Variants in CFTR observed in about 807,000 individuals in gnomAD.
CFTR encodes CF transmembrane conductance regulator, also known as cystic fibrosis transmembrane conductance regulator.
In CFTR, 181 loss-of-function variants were observed where a neutral mutation model predicts 171.6. The observed-to-expected ratio is 1.05, with a 90% CI of 0.93 to 1.19. The LOEUF is 1.19. Among genes scored for constraint, CFTR ranks in the 50% most tolerant of loss-of-function variants. The pLI is 0.00. For synonymous variants in CFTR, 583 were observed against 608.0 expected (o/e 0.96, Z 0.60); for missense variants, 1,968 against 1,734.7 (o/e 1.13, Z -2.39).
intron 1 of CFTR, among the ~76,000 whole-genome samples, chr7:117,495,636 C>T (rs1798225105): frequency 6.6e-6 from 1 of 152,146 alleles, no homozygotes; most frequent in South Asian, 2.1e-4. Context: ...TTACACAACT[C>T]ATGGTGCATG....
At chr7:117,498,778 A>G (rs2116627708) in intron 1 of CFTR, among the ~76,000 whole-genome samples, 1 of 151,838 alleles carries the variant, frequency 6.6e-6, no homozygotes, top group Middle Eastern at 3.4e-3. Flanking sequence ...AATCTTTTCC[A>G]ATGAGTCCCC....
At chr7:117,501,747 C>CAAAAAAAAAAAAAAAA (rs1212853305) in intron 1 of CFTR, among the ~76,000 whole-genome samples, 13 of 43,892 alleles carry the variant, frequency 3.0e-4, no homozygotes, top group Non-Finnish European at 3.3e-4. Flanking sequence ...AACTCTGTCT[C>CAAAAAAAAAAAAAAAA]AAAAAAAAAA....
chr7:117,498,094 C>A (rs553359972), intron 1 of CFTR, among the ~76,000 whole-genome samples: 3 of 152,054 alleles, frequency 2.0e-5, no homozygotes, highest in African/African-American at 7.2e-5. Flanking sequence ...CATTAGGGTG[C>A]CTGTATGGTT....
chr7:117,502,559 C>G (rs1562882235), intron 1 of CFTR, among the ~76,000 whole-genome samples: 1 of 152,168 alleles, frequency 6.6e-6, no homozygotes, highest in South Asian at 2.1e-4. Flanking sequence ...CTAATTGCCA[C>G]CTGTATGTTC....
intron 2 of CFTR, among the ~76,000 whole-genome samples, chr7:117,506,968 G>A (rs1442338976): frequency 6.6e-6 from 1 of 152,156 alleles, no homozygotes; most frequent in Non-Finnish European, 1.5e-5. Context: ...ACTGCCTTGT[G>A]ACCATGGCCC....
At chr7:117,552,710 AT>A (rs1410800547) in intron 10 of CFTR, among the ~76,000 whole-genome samples, 3 of 152,106 alleles carry the variant, frequency 2.0e-5, no homozygotes, top group Non-Finnish European at 4.4e-5. Context: ...CTCTCTATAT[AT>A]ATAATCAATA....
At chr7:117,482,174 G>A (rs1439188887) in intron 1 of CFTR, among the ~76,000 whole-genome samples, 11 of 152,062 alleles carry the variant, frequency 7.2e-5, no homozygotes, top group Admixed American at 7.2e-4. Context: ...GAAAAATTGT[G>A]TTTCACATGG....
chr7:117,622,687 C>G (rs2116117174), intron 21 of CFTR, among the ~76,000 whole-genome samples: 1 of 152,210 alleles, frequency 6.6e-6, no homozygotes, highest in South Asian at 2.1e-4. Context: ...AATGCCTAAT[C>G]TTGATGTACT....
rs192269259 is a variant in CFTR at position 117,615,407 on chromosome 7, T to C, written c.3468+694T>C. ...ATTTATTGTCTTTTCCTTTATGTTT[T>C]GTGCTTTTGGTATCTTGATTAAGAA... On this transcript the variant is annotated intron_variant, in intron 21 of 26. Coordinates refer to ENST00000003084, the MANE Select transcript of CFTR (RefSeq NM_000492.4). Among the ~76,000 whole-genome samples, 5 of 152,162 alleles carry C rather than the reference T, an allele frequency of 3.3e-5. No individual in the cohort carries two copies. The East Asian group carries it at 9.7e-4, about 29-fold the overall frequency.
At chr7:117,590,256 T>A (rs1372426540) in intron 12 of CFTR, 97 bp from the exon 13 acceptor site, 2 of 1,414,220 alleles carry the variant, frequency 1.4e-6, no homozygotes, top group African/African-American at 2.8e-5. Flanking sequence ...GGTGACCATA[T>A]TGTAATGCAT....
chr7:117,622,232 G>T (rs1435866431), intron 21 of CFTR, among the ~76,000 whole-genome samples: 1 of 152,126 alleles, frequency 6.6e-6, no homozygotes, highest in Non-Finnish European at 1.5e-5. Flanking sequence ...ATGTGCTCTA[G>T]TCATGTAAGT....
At chr7:117,662,668 G>T (rs552448051) in intron 24 of CFTR, among the ~76,000 whole-genome samples, 7 of 152,302 alleles carry the variant, frequency 4.6e-5, no homozygotes, top group African/African-American at 1.7e-4. Flanking sequence ...GAAGATCCCT[G>T]GGGTGTTTGT....
intron 4 of CFTR, among the ~76,000 whole-genome samples, chr7:117,532,097 A>C: frequency 6.6e-6 from 1 of 152,118 alleles, no homozygotes; most frequent in East Asian, 1.9e-4. Flanking sequence ...AAACAAAAAA[A>C]ACAGAGTCCA....
intron 10 of CFTR, among the ~76,000 whole-genome samples, chr7:117,554,882 C>G (rs549632598): frequency 8.5e-5 from 13 of 152,204 alleles, no homozygotes; most frequent in African/African-American, 3.1e-4. Flanking sequence ...GAAGGTCAAA[C>G]TTGACCAGAA....
chr7:117,545,278 G>C (rs886633650), intron 9 of CFTR, among the ~76,000 whole-genome samples: 1 of 152,136 alleles, frequency 6.6e-6, no homozygotes, highest in Non-Finnish European at 1.5e-5. Context: ...CTCCCACTGG[G>C]TCCCTCCCAC....
At chr7:117,561,618 G>A (rs1251985507) in intron 11 of CFTR, among the ~76,000 whole-genome samples, 2 of 152,080 alleles carry the variant, frequency 1.3e-5, no homozygotes, top group African/African-American at 4.8e-5. Context: ...ATAAGGTAAG[G>A]AATCATCATT....
chr7:117,587,261 A>G (rs1256730460), intron 11 of CFTR, among the ~76,000 whole-genome samples: 1 of 152,172 alleles, frequency 6.6e-6, no homozygotes, highest in African/African-American at 2.4e-5. Context: ...ATGGAAGCCC[A>G]GTGAAGATAC....
intron 23 of CFTR, among the ~76,000 whole-genome samples, chr7:117,648,334 T>A (rs1793029579): frequency 6.6e-6 from 1 of 152,038 alleles, no homozygotes; most frequent in Non-Finnish European, 1.5e-5. Flanking sequence ...TAAAGCATAA[T>A]GCCTGTTGCA....
intron 24 of CFTR, among the ~76,000 whole-genome samples, chr7:117,656,353 C>T (rs912295288): frequency 6.6e-6 from 1 of 152,114 alleles, no homozygotes; most frequent in Non-Finnish European, 1.5e-5. Context: ...CTTTCGAAGT[C>T]GCCAGGAATC....
Sources: gnomAD v4.1 joint callset for allele counts (sites outside exome capture counted in the v4.1 genomes callset) on GRCh38, gnomAD v4.1.1 for gene constraint, MANE v1.5 for transcripts, NCBI Gene and HGNC (gene_info 2026-07-23, HGNC 2026-07-21) for gene names.